The following UTRN variants were observed in gnomAD, a reference collection of about 807,000 sequenced individuals.
The protein encoded by UTRN is utrophin, also known as dystrophin-related protein 1.
Under a neutral mutation model 463.9 loss-of-function variants are expected in UTRN, and 283 were observed. That is an observed-to-expected ratio of 0.61 (90% CI 0.55 to 0.67). UTRN has a LOEUF of 0.67. Ranked by LOEUF, UTRN falls within the 30% of genes least tolerant of loss-of-function variation. UTRN has a pLI of 0.00. For missense variants in UTRN, 3,922 were observed against 4,084.3 expected (o/e 0.96, Z 1.08); for synonymous variants, 1,442 against 1,431.5 (o/e 1.01, Z -0.17).
At chr6:144,843,852 G>A (rs1044030139) in intron 73 of UTRN, among the ~76,000 whole-genome samples, 2 of 152,078 alleles carry the variant, frequency 1.3e-5, no homozygotes. Flanking sequence ...AAAGCTGTTG[G>A]TTTAAAAGTA....
intron 66 of UTRN, among the ~76,000 whole-genome samples, chr6:144,824,785 T>TC (rs1161996677): frequency 2.2e-5 from 3 of 136,748 alleles, no homozygotes; most frequent in Non-Finnish European, 3.1e-5. Flanking sequence ...GGGGGGGGTG[T>TC]CCCCCCAGCG....
chr6:144,670,335 G>A (rs1780881227), intron 51 of UTRN, among the ~76,000 whole-genome samples: 1 of 151,906 alleles, frequency 6.6e-6, no homozygotes, highest in Non-Finnish European at 1.5e-5. Context: ...GGAGTAAGGG[G>A]GTATCACATT....
In UTRN at chr6:144,488,719, G is replaced by A. The variant is rs1254940105; in HGVS notation, c.4019G>A (p.Arg1340Gln). ...TTGGAAAAGCAACTCCAGGTGCTGC[G>A]GGAAACTGACCAGATGCTTCAAGTC... ...ISLEKQLQVL[R>Q]ETDQMLQVLQ... Residue 1340 changes from arginine to glutamine, a missense_variant, in exon 30 of 75, where the codon CGG (arginine) becomes CAG (glutamine). Physicochemically the swap from Arg to Gln is conservative, Grantham distance 43 (BLOSUM62 1). Transcript: ENST00000367545. 2.5e-6 allele frequency: 4 copies of A among 1,613,450 alleles called. No homozygotes were observed. The highest frequency in any genetic ancestry group is 2.2e-5 in the East Asian group (1 of 44,862).
chr6:144,609,175 G>T (rs998827960), intron 51 of UTRN, among the ~76,000 whole-genome samples: 1 of 152,070 alleles, frequency 6.6e-6, no homozygotes, highest in African/African-American at 2.4e-5. Context: ...AAAAAGTAAG[G>T]TCTAATCACA....
At chr6:144,479,765 A>C (rs1266955548) in intron 25 of UTRN, 47 bp from the exon 26 acceptor site, 1 of 1,568,952 alleles carries the variant, frequency 6.4e-7, no homozygotes, top group East Asian at 2.2e-5. Flanking sequence ...CTTGACATTG[A>C]ACACATTAAC....
intron 41 of UTRN, among the ~76,000 whole-genome samples, chr6:144,525,497 C>A (rs1796490690): frequency 6.6e-6 from 1 of 151,906 alleles, no homozygotes; most frequent in Non-Finnish European, 1.5e-5. Flanking sequence ...TAGCCTTGAT[C>A]TTTTGTATTT....
At chr6:144,393,615 G>C (rs1207901263) in intron 2 of UTRN, among the ~76,000 whole-genome samples, 1 of 152,166 alleles carries the variant, frequency 6.6e-6, no homozygotes, top group African/African-American at 2.4e-5. Context: ...CAAGATGGCG[G>C]CCTGTGTCAT....
At position 144,458,987 on chromosome 6, in the gene UTRN, G is replaced by T. The variant is rs760699160; in HGVS notation, c.2502G>T (p.Leu834Phe). ...TTTCTGAATCTTCCCGGCAGTCCTT[G>T]CCAAGCTTGAAGGATTCCTGTCAGG... ...TSISESSRQS[L>F]PSLKDSCQRE... The change falls in exon 20 of 75, where the codon TTG becomes TTT. Residue 834 changes from leucine to phenylalanine, a missense_variant. By Grantham distance (22) the Leu-to-Phe change is conservative (BLOSUM62 0). Around this residue, in one of 3 missense-constraint regions of UTRN, gnomAD observed 2,349 missense variants for 2,303.8 expected, o/e 1.02. Transcript: ENST00000367545. 7 of 1,606,004 alleles carry T rather than the reference G, an allele frequency of 4.4e-6. No individual in the cohort carries two copies.
intron 2 of UTRN, among the ~76,000 whole-genome samples, chr6:144,322,185 A>G (rs1303662055): frequency 6.6e-6 from 1 of 152,220 alleles, no homozygotes; most frequent in African/African-American, 2.4e-5. Context: ...TTATGAAATG[A>G]TGCAGTTTTT....
intron 2 of UTRN, among the ~76,000 whole-genome samples, chr6:144,338,681 C>G (rs1346346470): frequency 6.6e-6 from 1 of 152,122 alleles, no homozygotes; most frequent in East Asian, 1.9e-4. Flanking sequence ...CCTAGAGGCC[C>G]AGGGAACATT....
intron 65 of UTRN, among the ~76,000 whole-genome samples, chr6:144,818,162 G>T (rs1035140011): frequency 6.6e-6 from 1 of 152,142 alleles, no homozygotes; most frequent in African/African-American, 2.4e-5. Context: ...CTAAGTAAAA[G>T]AAGCAAGTCA....
chr6:144,763,993 G>GT (rs1415724470), intron 58 of UTRN, among the ~76,000 whole-genome samples: 1 of 152,166 alleles, frequency 6.6e-6, no homozygotes, highest in East Asian at 1.9e-4. Flanking sequence ...GGAGCTTGTG[G>GT]TTTTGGTTTT....
chr6:144,742,851 G>A (rs1790258257), intron 54 of UTRN, among the ~76,000 whole-genome samples: 1 of 152,034 alleles, frequency 6.6e-6, no homozygotes, highest in Non-Finnish European at 1.5e-5. Context: ...TTCTTTACTT[G>A]ATTGTTTTAA....
rs1288623643 is a variant in UTRN at position 144,832,798 on chromosome 6, TTTTG to T, written c.9666-2970_9666-2967del. Among the ~76,000 whole-genome samples, 26 of 152,256 alleles carry T rather than the reference TTTTG, an allele frequency of 1.7e-4. No homozygotes were observed. In the South Asian group the frequency reaches 4.8e-3, roughly 28 times the overall value. On this transcript the variant is annotated intron_variant, in intron 69 of 74. Transcript: ENST00000367545. Reference sequence around the variant, plus strand: ...ATTGATAGGTATCATAGAACTAATTTTTTGTTTGTTTGTTTTGTTTGTTGTTTTG... The same window carrying T: ...ATTGATAGGTATCATAGAACTAATTTTTTGTTTGTTTTGTTTGTTGTTTTG...
Position 144,491,199 on chromosome 6 carries a change from A to G in UTRN, c.4437+97A>G, listed in dbSNP as rs1442878118. The G allele has an allele frequency of 5.9e-6, 7 of 1,192,372 alleles. No homozygotes were observed. In the East Asian group the frequency reaches 1.7e-4, roughly 29 times the overall value. The allele number at this position is 1,192,372 out of a possible 1,614,324, so 73.9% of individuals were successfully genotyped here. On this transcript the variant is annotated intron_variant, in intron 32 of 74. Coordinates refer to ENST00000367545, the MANE Select transcript of UTRN (RefSeq NM_007124.3). ...ATGCCTAGTGTGTCCAGTGATCACT[A>G]GTCTACAGTGTGCTAAACATAAGGA... is the stretch of plus-strand genomic sequence containing the variant.
intron 2 of UTRN, among the ~76,000 whole-genome samples, chr6:144,307,044 G>C (rs2114547552): frequency 6.6e-6 from 1 of 151,430 alleles, no homozygotes; most frequent in South Asian, 2.1e-4. Flanking sequence ...CAGCCTGGGT[G>C]GCAGAGTGTG....
At chr6:144,340,572 A>G (rs1283033687) in intron 2 of UTRN, among the ~76,000 whole-genome samples, 3 of 152,092 alleles carry the variant, frequency 2.0e-5, no homozygotes, top group Non-Finnish European at 4.4e-5. Context: ...CTCCACTCCA[A>G]TTCTTTCTTT....
chr6:144,360,089 TCCCTCCCCTC>T (rs753178150), intron 2 of UTRN, among the ~76,000 whole-genome samples: 2,748 of 73,578 alleles, frequency 0.037, 190 homozygotes, highest in African/African-American at 0.11. Flanking sequence ...TCCCTTCCCT[TCCCTCCCCTC>T]CCCTCCCCTC....
intron 33 of UTRN, among the ~76,000 whole-genome samples, chr6:144,496,435 A>G (rs569464896): frequency 1.3e-5 from 2 of 152,242 alleles, no homozygotes. Flanking sequence ...TTCTTTTTGG[A>G]ATTATACAGC....
Sources: gnomAD v4.1 joint callset for allele counts (sites outside exome capture counted in the v4.1 genomes callset) on GRCh38, gnomAD v4.1.1 for gene constraint, gnomAD v4.1.1 regional missense constraint, MANE v1.5 for transcripts, NCBI Gene and HGNC (gene_info 2026-07-23, HGNC 2026-07-21) for gene names.